NAALADL2: variants seen among roughly 807,000 people sequenced by gnomAD.
The protein encoded by NAALADL2 is inactive N-acetylated-alpha-linked acidic dipeptidase-like protein 2.
Under a neutral mutation model 87.2 loss-of-function variants are expected in NAALADL2, and 76 were observed. The observed-to-expected ratio is 0.87, with a 90% confidence interval of 0.72 to 1.05. The LOEUF is 1.05. NAALADL2 is among the 50% of genes least tolerant of loss of function. The pLI is 0.00. For synonymous variants in NAALADL2, 354 were observed against 331.0 expected (o/e 1.07, Z -0.75); for missense variants, 1,089 against 945.8 (o/e 1.15, Z -1.99).
intron 1 of NAALADL2, among the ~76,000 whole-genome samples, chr3:174,878,436 G>A (rs1425477955): frequency 6.6e-6 from 1 of 152,066 alleles, no homozygotes; most frequent in Admixed American, 6.6e-5. Flanking sequence ...AAAACTGCGT[G>A]AGCAACTATG....
intron 9 of NAALADL2, among the ~76,000 whole-genome samples, chr3:175,550,750 C>G (rs946910347): frequency 1.3e-5 from 2 of 152,082 alleles, no homozygotes; most frequent in Admixed American, 1.3e-4. Context: ...GTTATTGAGC[C>G]AGTATTTCTG....
intron 2 of NAALADL2, among the ~76,000 whole-genome samples, chr3:175,104,597 C>G (rs1037800019): frequency 1.3e-5 from 2 of 151,830 alleles, no homozygotes; most frequent in African/African-American, 4.8e-5. Context: ...TCTCTAATTT[C>G]AGTATTAAAA....
chr3:175,403,772 G>T (rs2149067694), intron 5 of NAALADL2, among the ~76,000 whole-genome samples: 1 of 152,170 alleles, frequency 6.6e-6, no homozygotes, highest in South Asian at 2.1e-4. Flanking sequence ...CATTACTTAA[G>T]AAACATTGGC....
intron 2 of NAALADL2, among the ~76,000 whole-genome samples, chr3:175,132,115 G>C (rs1728084239): frequency 1.4e-5 from 2 of 138,120 alleles, no homozygotes; most frequent in Admixed American, 6.9e-5. Flanking sequence ...GCCCGGATGG[G>C]GCGGCTGGCC....
chr3:174,453,383 A>G (rs1472900028), intron 1 of NAALADL2, among the ~76,000 whole-genome samples: 1 of 82,350 alleles, frequency 1.2e-5, no homozygotes, highest in Non-Finnish European at 2.3e-5. Flanking sequence ...CCATCTAGAT[A>G]GAGAGGCCAA....
intron 1 of NAALADL2, among the ~76,000 whole-genome samples, chr3:174,970,521 T>C (rs1743482352): frequency 6.6e-6 from 1 of 152,206 alleles, no homozygotes; most frequent in Non-Finnish European, 1.5e-5. Context: ...AGCATTAGTG[T>C]AATTTTCAAT....
At chr3:175,630,962 AC>A (rs1419264399) in intron 11 of NAALADL2, among the ~76,000 whole-genome samples, 1 of 151,568 alleles carries the variant, frequency 6.6e-6, no homozygotes, top group African/African-American at 2.4e-5. Flanking sequence ...TTCTGAAGAT[AC>A]TATTTTTTAT....
At chr3:175,121,907 T>A (rs1391233735) in intron 2 of NAALADL2, among the ~76,000 whole-genome samples, 1 of 151,812 alleles carries the variant, frequency 6.6e-6, no homozygotes, top group African/African-American at 2.4e-5. Flanking sequence ...CTTCTACCAC[T>A]TTTTACTGGT....
intron 3 of NAALADL2, among the ~76,000 whole-genome samples, chr3:174,782,946 T>C (rs1439073844): frequency 6.6e-6 from 1 of 152,082 alleles, no homozygotes; most frequent in Non-Finnish European, 1.5e-5. Flanking sequence ...AACCATATCA[T>C]AAGCTAAACT....
chr3:174,692,649 C>T (rs543453341), intron 2 of NAALADL2, among the ~76,000 whole-genome samples: 10 of 152,048 alleles, frequency 6.6e-5, no homozygotes, highest in East Asian at 5.9e-4. Context: ...AAAGAATGTT[C>T]GGAAACCTCT....
chr3:175,285,221 G>A (rs534924046), intron 4 of NAALADL2, among the ~76,000 whole-genome samples: 3 of 152,192 alleles, frequency 2.0e-5, no homozygotes, highest in African/African-American at 4.8e-5. Flanking sequence ...TTACTCACTA[G>A]TCAATAGGAG....
chr3:174,828,619 C>T (rs114686200), intron 3 of NAALADL2, among the ~76,000 whole-genome samples: 2,457 of 152,286 alleles, frequency 0.016, 18 homozygotes, highest in South Asian at 0.031. Context: ...CTTTTCATTT[C>T]TTATCTCTGT....
chr3:174,575,474 T>G (rs1715422611), intron 2 of NAALADL2, among the ~76,000 whole-genome samples: 1 of 152,184 alleles, frequency 6.6e-6, no homozygotes, highest in Non-Finnish European at 1.5e-5. Flanking sequence ...CTAAAAATTC[T>G]TAGGTTATCA....
At chr3:174,977,421 G>A (rs1744509196) in intron 1 of NAALADL2, among the ~76,000 whole-genome samples, 1 of 152,118 alleles carries the variant, frequency 6.6e-6, no homozygotes, top group South Asian at 2.1e-4. Flanking sequence ...CACTGCGGCC[G>A]ACCTAGATGT....
intron 1 of NAALADL2, among the ~76,000 whole-genome samples, chr3:175,096,458 C>T (rs1303719532): frequency 1.3e-5 from 2 of 150,742 alleles, no homozygotes; most frequent in African/African-American, 4.9e-5. Context: ...ACATTCATGA[C>T]TGTTGTTATT....
intron 2 of NAALADL2, among the ~76,000 whole-genome samples, chr3:174,684,546 C>T (rs1264531798): frequency 6.6e-6 from 1 of 152,054 alleles, no homozygotes; most frequent in Non-Finnish European, 1.5e-5. Context: ...TTATTTCAGA[C>T]ATCCTTGCTG....
intron 1 of NAALADL2, among the ~76,000 whole-genome samples, chr3:174,472,357 G>C (rs1716958402): frequency 6.6e-6 from 1 of 152,182 alleles, no homozygotes; most frequent in African/African-American, 2.4e-5. Context: ...TTATTGAACA[G>C]CTAAGTTTAT....
At chr3:174,586,416 C>G (rs2108572664) in intron 2 of NAALADL2, among the ~76,000 whole-genome samples, 1 of 152,292 alleles carries the variant, frequency 6.6e-6, no homozygotes, top group South Asian at 2.1e-4. Flanking sequence ...TTGTGCTGGA[C>G]TCCTGCTAAC....
At chr3:175,550,825 T>C (rs1242317763) in intron 9 of NAALADL2, among the ~76,000 whole-genome samples, 2 of 152,328 alleles carry the variant, frequency 1.3e-5, no homozygotes, top group East Asian at 3.9e-4. Flanking sequence ...TCTCTAGATA[T>C]ATACTGTTTG....
Sources: allele counts gnomAD v4.1 joint callset (sites outside exome capture counted in the v4.1 genomes callset), GRCh38; gene constraint gnomAD v4.1.1; transcripts MANE v1.5; gene names NCBI Gene and HGNC (gene_info 2026-07-23, HGNC 2026-07-21).